The following CCDC57 variants were observed in gnomAD, a reference collection of about 807,000 sequenced individuals.
CCDC57 encodes the protein coiled-coil domain containing 57, also known as coiled-coil domain-containing protein 57.
Under a neutral mutation model 118.9 loss-of-function variants are expected in CCDC57, and 118 were observed. The ratio of observed to expected loss-of-function variants is 0.99; its 90% CI spans 0.86 to 1.16. CCDC57 has a LOEUF of 1.16. Ranked by LOEUF, CCDC57 falls within the 50% of genes most tolerant of loss-of-function variation. The probability of loss-of-function intolerance (pLI) is 0.00; values close to 1 mark genes in which losing one functional copy is unlikely to be tolerated. For missense variants in CCDC57, 1,300 were observed against 1,320.7 expected (o/e 0.98, Z 0.24); for synonymous variants, 527 against 532.9 (o/e 0.99, Z 0.15).
chr17:82,137,013 CTT>C (rs36143411), intron 16 of CCDC57, among the ~76,000 whole-genome samples: 9 of 125,176 alleles, frequency 7.2e-5, no homozygotes, highest in Non-Finnish European at 4.9e-5. Context: ...TGGTGTACTA[CTT>C]TTTTTTTTTT....
intron 1 of CCDC57, among the ~76,000 whole-genome samples, chr17:82,208,636 GGACT>G (rs2049945245): frequency 6.6e-6 from 1 of 151,954 alleles, no homozygotes; most frequent in Non-Finnish European, 1.5e-5. Flanking sequence ...TCAGGACAGA[GGACT>G]CAATCTCAGC....
exon 6 of CCDC57, chr17:82,194,024 C>G (rs369876031): frequency 3.1e-6 from 5 of 1,613,068 alleles, no homozygotes; most frequent in Non-Finnish European, 4.2e-6. Context: ...CTCCCCGGCT[C>G]GGCTCTGGAG....
chr17:82,192,888 C>T lies in CCDC57; in HGVS notation c.851+868G>A, dbSNP rs1366794646. 2.0e-5 allele frequency among the ~76,000 whole-genome samples: 3 copies of T among 152,042 alleles called. No homozygotes were observed. Among genetic ancestry groups the T allele is most frequent in the Non-Finnish European group, 1.5e-5 (1 of 68,006 alleles). ...AATCGCCTGAGTCACTGTCCATCGCCGTTGTATTACACAGTGTCTTTTTGT... is the reference window on the plus strand; with the variant it reads ...AATCGCCTGAGTCACTGTCCATCGCTGTTGTATTACACAGTGTCTTTTTGT... On this transcript the variant is annotated intron_variant, in intron 7 of 19. Coordinates refer to ENST00000665763, the Ensembl canonical transcript of CCDC57. This position sits in a 1 kb window ranked among gnomAD's most constrained non-coding sequence, Gnocchi z 4.0.
chr17:82,175,758 G>C (rs1409190232), intron 11 of CCDC57: 1 of 152,176 alleles, frequency 6.6e-6, no homozygotes, highest in Non-Finnish European at 1.5e-5. Flanking sequence ...CCTCAACCTT[G>C]GCAAAATAAA....
intron 19 of CCDC57, chr17:82,108,663 A>G (rs2035030425): frequency 6.6e-6 from 1 of 152,246 alleles, no homozygotes; most frequent in Non-Finnish European, 1.5e-5. Context: ...CAAACACCTC[A>G]GTTCCCAGGG....
intron 19 of CCDC57, among the ~76,000 whole-genome samples, chr17:82,124,040 A>T (rs1039575712): frequency 1.3e-5 from 2 of 151,640 alleles, no homozygotes; most frequent in Admixed American, 6.6e-5. Flanking sequence ...CTTCATTTTC[A>T]TTAAAACTAA....
chr17:82,162,242 G>A (rs2146069663), intron 14 of CCDC57, among the ~76,000 whole-genome samples: 1 of 152,268 alleles, frequency 6.6e-6, no homozygotes, highest in East Asian at 1.9e-4. Flanking sequence ...CAGGAGTGGG[G>A]TGATCCGCCC....
chr17:82,200,976 G>T (rs8079572), intron 3 of CCDC57, among the ~76,000 whole-genome samples: 33,641 of 152,030 alleles, frequency 0.22, 3,877 homozygotes, highest in African/African-American at 0.27. Context: ...CGGTACTTCT[G>T]AAGTGGGGGA....
chr17:82,147,504 G>A (rs1463706348), intron 16 of CCDC57, among the ~76,000 whole-genome samples: 1 of 151,134 alleles, frequency 6.6e-6, no homozygotes, highest in South Asian at 2.1e-4. Flanking sequence ...TGTGTGGGTA[G>A]GTGGATGGAT....
intron 16 of CCDC57, among the ~76,000 whole-genome samples, chr17:82,140,609 T>G (rs1224220599): frequency 6.6e-6 from 1 of 152,238 alleles, no homozygotes; most frequent in Non-Finnish European, 1.5e-5. Context: ...GTTATTTGCA[T>G]AGTTTCAATG....
intron 2 of CCDC57, among the ~76,000 whole-genome samples, chr17:82,204,973 G>A (rs991231873): frequency 1.3e-5 from 2 of 152,328 alleles, no homozygotes; most frequent in African/African-American, 4.8e-5. Context: ...CATCACTGCA[G>A]GGAAGCTTTC....
intron 2 of CCDC57, among the ~76,000 whole-genome samples, chr17:82,204,406 CCA>C (rs879688090): frequency 1.3e-5 from 2 of 152,220 alleles, no homozygotes; most frequent in Admixed American, 1.3e-4. Context: ...ACCTCGGCCA[CCA>C]CAGTGTCTTA....
intron 9 of CCDC57, among the ~76,000 whole-genome samples, chr17:82,180,988 G>A (rs778932477): frequency 3.3e-5 from 5 of 152,162 alleles, no homozygotes; most frequent in Non-Finnish European, 7.3e-5. Context: ...CCCACTCGCC[G>A]CCCGGCTTCT....
chr17:82,119,701 C>A (rs1243063311), intron 19 of CCDC57, among the ~76,000 whole-genome samples: 3 of 151,752 alleles, frequency 2.0e-5, no homozygotes, highest in Non-Finnish European at 4.4e-5. Flanking sequence ...TTGGGGGGCA[C>A]CCACAGGTGC....
intron 19 of CCDC57, among the ~76,000 whole-genome samples, chr17:82,117,510 T>C (rs1178794504): frequency 6.6e-6 from 1 of 152,068 alleles, no homozygotes; most frequent in African/African-American, 2.4e-5. Flanking sequence ...TGGTGGTACG[T>C]GCCTGTGGTC....
At chr17:82,111,127 GCT>G (rs1409958997) in intron 19 of CCDC57, among the ~76,000 whole-genome samples, 1 of 152,044 alleles carries the variant, frequency 6.6e-6, no homozygotes, top group Non-Finnish European at 1.5e-5. Context: ...ACGGAGTCTT[GCT>G]CTGTTGCCCA....
exon 14 of CCDC57, chr17:82,163,343 C>G: frequency 6.2e-7 from 1 of 1,613,954 alleles, no homozygotes; most frequent in East Asian, 2.2e-5. Context: ...GCTTGACCAG[C>G]TTGGGCAGAC....
At chr17:82,130,811 T>C (rs1473376926) in intron 17 of CCDC57, among the ~76,000 whole-genome samples, 1 of 147,866 alleles carries the variant, frequency 6.8e-6, no homozygotes, top group Non-Finnish European at 1.5e-5. Context: ...GCTCCTTTTT[T>C]TTGGGGGGGT....
At chr17:82,141,177 A>ATTTTTT (rs56298520) in intron 16 of CCDC57, among the ~76,000 whole-genome samples, 1 of 121,536 alleles carries the variant, frequency 8.2e-6, no homozygotes, top group Non-Finnish European at 1.7e-5. Flanking sequence ...CGCCCGGCTA[A>ATTTTTT]TTTTTTTTTT....
Sources: gnomAD v4.1 joint callset for allele counts (sites outside exome capture counted in the v4.1 genomes callset) on GRCh38, gnomAD v4.1.1 for gene constraint, Gnocchi (gnomAD v3.1) non-coding constraint, MANE v1.5 for transcripts, NCBI Gene and HGNC (gene_info 2026-07-23, HGNC 2026-07-21) for gene names.